Variants in KCTD1 observed in about 807,000 individuals in gnomAD.
KCTD1 encodes the protein potassium channel tetramerization domain containing 1, also known as BTB/POZ domain-containing protein KCTD1.
In KCTD1, 24 loss-of-function variants were observed where a neutral mutation model predicts 66.0. The ratio of observed to expected loss-of-function variants is 0.36; its 90% CI spans 0.26 to 0.51. The LOEUF (loss-of-function observed/expected upper bound fraction) is 0.51, where lower values mean the gene tolerates loss of function less well. KCTD1 is among the 20% of genes least tolerant of loss of function. KCTD1 has a pLI of 0.95. For missense variants in KCTD1, 943 were observed against 1,205.2 expected (o/e 0.78, Z 3.22); for synonymous variants, 511 against 517.2 (o/e 0.99, Z 0.16).
At chr18:26,603,781 A>C (rs1986952965) in intron 1 of KCTD1, among the ~76,000 whole-genome samples, 1 of 151,034 alleles carries the variant, frequency 6.6e-6, no homozygotes. Flanking sequence ...TAAATAAATA[A>C]ATAAATAAAA....
chr18:26,569,507 C>G (rs1003401686), intron 1 of KCTD1, among the ~76,000 whole-genome samples: 1 of 151,982 alleles, frequency 6.6e-6, no homozygotes, highest in Non-Finnish European at 1.5e-5. Context: ...CTCCCGCCCC[C>G]GACAACACTC....
intron 1 of KCTD1, among the ~76,000 whole-genome samples, chr18:26,637,523 C>T (rs1366887587): frequency 6.6e-6 from 1 of 152,162 alleles, no homozygotes; most frequent in Non-Finnish European, 1.5e-5. Context: ...GTCACCCTCC[C>T]CTCTGCCGAT....
chr18:26,648,575 TTCC>T (rs1303806804), intron 1 of KCTD1, among the ~76,000 whole-genome samples: 1 of 152,270 alleles, frequency 6.6e-6, no homozygotes, highest in Non-Finnish European at 1.5e-5. Context: ...TAAATATTTT[TTCC>T]TCATTTGTTA....
chr18:26,636,116 G>A (rs998533363), intron 1 of KCTD1, among the ~76,000 whole-genome samples: 1 of 152,100 alleles, frequency 6.6e-6, no homozygotes, highest in Non-Finnish European at 1.5e-5. Context: ...ACGATTGGGG[G>A]TATCTAGATA....
chr18:26,600,213 C>A, intron 1 of KCTD1: 1 of 1,601,034 alleles, frequency 6.2e-7, no homozygotes. Flanking sequence ...GCTCCCAGCC[C>A]AAGTCGGCTT....
chr18:26,467,473 G>A (rs1598877739), intron 3 of KCTD1, among the ~76,000 whole-genome samples: 1 of 152,166 alleles, frequency 6.6e-6, no homozygotes, highest in Non-Finnish European at 1.5e-5. Context: ...AGCTATGATT[G>A]CACCACTGCA....
chr18:26,469,247 T>C (rs141622157), intron 3 of KCTD1, among the ~76,000 whole-genome samples: 487 of 152,112 alleles, frequency 3.2e-3, no homozygotes, highest in East Asian at 0.016. Context: ...TACTTAGAAT[T>C]GATAAATAGC....
intron 1 of KCTD1, among the ~76,000 whole-genome samples, chr18:26,648,636 T>C (rs1002738867): frequency 2.0e-5 from 3 of 152,196 alleles, no homozygotes; most frequent in Non-Finnish European, 4.4e-5. Flanking sequence ...CGTGAAAATA[T>C]GAGAGGAGTT....
chr18:26,561,818 T>A (rs747084352), intron 1 of KCTD1, among the ~76,000 whole-genome samples: 9 of 152,110 alleles, frequency 5.9e-5, no homozygotes, highest in Non-Finnish European at 1.0e-4. Context: ...GTCAGAGTAG[T>A]CAGTAGTTAG....
upstream of KCTD1, among the ~76,000 whole-genome samples, chr18:26,629,760 C>T (rs1167794282): frequency 1.3e-5 from 2 of 151,236 alleles, no homozygotes; most frequent in Non-Finnish European, 2.9e-5. Context: ...CTCTGTTGCC[C>T]AGGCTGGAGT....
chr18:26,476,765 G>T lies in KCTD1; in HGVS notation c.1989-106C>A. 1.0e-6 allele frequency: 1 copy of T among 952,394 alleles called. No individual in the cohort carries two copies. Among genetic ancestry groups the T allele is most frequent in the Non-Finnish European group, 1.6e-6 (1 of 625,498 alleles). The allele number at this position is 952,394 out of a possible 1,614,324, so 59.0% of individuals were successfully genotyped here. On this transcript the variant is annotated intron_variant, in intron 2 of 4. Coordinates refer to ENST00000580059, the MANE Select transcript of KCTD1 (RefSeq NM_001142730.3). This position sits in a 1 kb window ranked among gnomAD's most constrained non-coding sequence, Gnocchi z 4.9. ...GTCAAAGGTAGCACTTTTGAAGATG[G>T]CAGTAGGGAAAAATTACGATTGTCT...
chr18:26,594,299 A>G (rs75603094), intron 1 of KCTD1, among the ~76,000 whole-genome samples: 8,476 of 152,308 alleles, frequency 0.056, 305 homozygotes, highest in Middle Eastern at 0.14. Flanking sequence ...TGTATGCTGC[A>G]TTCTCTAAAA....
chr18:26,549,476 G>A (rs1449051009), upstream of KCTD1: 12 of 981,046 alleles, frequency 1.2e-5, no homozygotes, highest in East Asian at 1.0e-3. Context: ...ACTGGGAGGG[G>A]CCGGTGGGAG....
At chr18:26,532,001 C>T (rs74460556) in intron 1 of KCTD1, among the ~76,000 whole-genome samples, 2,174 of 152,226 alleles carry the variant, frequency 0.014, 59 homozygotes, top group African/African-American at 0.049. Context: ...TCTTGACAGA[C>T]CTATCTGGAG....
At chr18:26,550,565 G>GACACAC (rs60922405), upstream of KCTD1, among the ~76,000 whole-genome samples, 21,126 of 140,344 alleles carry the variant, frequency 0.15, 1,651 homozygotes, top group Middle Eastern at 0.17. This position sits in a 1 kb window ranked among gnomAD's most constrained non-coding sequence, Gnocchi z 5.4. Context: ...AAGACACACA[G>GACACAC]ACACACACAC....
chr18:26,615,045 G>T (rs578246195), intron 1 of KCTD1, among the ~76,000 whole-genome samples: 1 of 152,318 alleles, frequency 6.6e-6, no homozygotes, highest in South Asian at 2.1e-4. Flanking sequence ...TGGACCAAAT[G>T]AATTCCATGC....
chr18:26,647,331 A>ACCCCCCC (rs56004377), intron 1 of KCTD1, among the ~76,000 whole-genome samples: 1 of 116,458 alleles, frequency 8.6e-6, no homozygotes, highest in Non-Finnish European at 2.0e-5. Context: ...AGATAGTGAA[A>ACCCCCCC]CCCCCCCCCC....
intron 2 of KCTD1, among the ~76,000 whole-genome samples, chr18:26,496,350 T>G (rs1982471827): frequency 6.6e-6 from 1 of 152,228 alleles, no homozygotes; most frequent in Admixed American, 6.5e-5. Flanking sequence ...ATATTTTTCT[T>G]GACTTCATAC....
intron 1 of KCTD1, among the ~76,000 whole-genome samples, chr18:26,568,029 T>A (rs1413529199): frequency 6.6e-6 from 1 of 152,118 alleles, no homozygotes; most frequent in Admixed American, 6.5e-5. Flanking sequence ...AGCACAACAT[T>A]TTAGATCTTT....
Sources: gnomAD v4.1 joint callset for allele counts (sites outside exome capture counted in the v4.1 genomes callset) on GRCh38, gnomAD v4.1.1 for gene constraint, Gnocchi (gnomAD v3.1) non-coding constraint, MANE v1.5 for transcripts, NCBI Gene and HGNC (gene_info 2026-07-23, HGNC 2026-07-21) for gene names.